HFM1: variants seen among roughly 807,000 people sequenced by gnomAD.
The protein encoded by HFM1 is helicase for meiosis 1.
Under a neutral mutation model 192.1 loss-of-function variants are expected in HFM1, and 169 were observed. The ratio of observed to expected loss-of-function variants is 0.88; its 90% CI spans 0.78 to 1.00. HFM1 has a LOEUF of 1.00. HFM1 is among the 50% of genes least tolerant of loss of function. The pLI, the probability that HFM1 is intolerant of heterozygous loss-of-function variation, is 0.00. For missense variants in HFM1, 1,661 were observed against 1,668.0 expected, an observed-to-expected ratio of 1.00 and a Z score of 0.07; for synonymous variants, 525 against 537.8, an observed-to-expected ratio of 0.98 and a Z score of 0.33.
chr1:91,347,168 G>A (rs1656244102), intron 19 of HFM1, among the ~76,000 whole-genome samples: 1 of 152,112 alleles, frequency 6.6e-6, no homozygotes, highest in South Asian at 2.1e-4. Context: ...AGACCAGGGT[G>A]ATGTTAGAAA....
intron 33 of HFM1, among the ~76,000 whole-genome samples, chr1:91,274,455 C>G (rs1322768772): frequency 4.6e-5 from 7 of 151,880 alleles, no homozygotes; most frequent in African/African-American, 1.7e-4. Context: ...TTTATATTCC[C>G]TATAAAGAGA....
At chr1:91,270,153 A>G (rs1393419842) in intron 34 of HFM1, among the ~76,000 whole-genome samples, 4 of 152,174 alleles carry the variant, frequency 2.6e-5, no homozygotes, top group Non-Finnish European at 5.9e-5. Context: ...TATTGCAGTA[A>G]ACAAGAGAGA....
chr1:91,382,364 A>G (rs1176256207), intron 6 of HFM1, among the ~76,000 whole-genome samples: 2 of 152,088 alleles, frequency 1.3e-5, no homozygotes, highest in Non-Finnish European at 2.9e-5. Context: ...AGTTGTTGAG[A>G]TCTAGCTTCC....
chr1:91,272,352 C>T (rs1214401212), intron 34 of HFM1, among the ~76,000 whole-genome samples: 1 of 151,812 alleles, frequency 6.6e-6, no homozygotes, highest in Non-Finnish European at 1.5e-5. Flanking sequence ...AACTTAACTA[C>T]TATACCATGC....
intron 30 of HFM1, among the ~76,000 whole-genome samples, chr1:91,300,561 C>A (rs1240876829): frequency 6.6e-6 from 1 of 152,164 alleles, no homozygotes; most frequent in East Asian, 1.9e-4. Context: ...CTAAATCTAG[C>A]AGCACATCAA....
At position 91,282,815 on chromosome 1, in the gene HFM1, TAA is replaced by T. The variant is rs1226362271; in HGVS notation, c.3392-5755_3392-5754del. 2.0e-5 allele frequency among the ~76,000 whole-genome samples: 3 copies of T among 152,320 alleles called. No homozygotes were observed. In the South Asian group the frequency reaches 6.2e-4, roughly 32 times the overall value. On this transcript the variant is annotated intron_variant, in intron 30 of 38. Transcript: ENST00000370425. ...CAAGTTGCTGTTTTAAAATGAAGAATAAAGAGTTGCCTTTGGGTCTTAAATAC... is the reference window on the plus strand; with the variant it reads ...CAAGTTGCTGTTTTAAAATGAAGAATAGAGTTGCCTTTGGGTCTTAAATAC...
At position 91,273,724 on chromosome 1, in the gene HFM1, A is replaced by G. The variant is rs372320648; in HGVS notation, c.3760T>C (p.Tyr1254His). Residue 1254 changes from tyrosine to histidine, a missense_variant, in exon 34 of 39, where the codon TAT (tyrosine) becomes CAT (histidine). Transcript: ENST00000370425. The stretch of plus-strand genomic sequence containing the variant: ...AATGGTAATTTACCTTTGTCTTGAT[A>G]TTCAGATGGTTCTTGTCTAACTTTT... ...YGKVRQEPSEYQDKEVLNVNF... is the reference protein window; with the variant it reads ...YGKVRQEPSEHQDKEVLNVNF... 1 of 1,558,338 alleles carries G rather than the reference A, an allele frequency of 6.4e-7. No individual in the cohort carries two copies. The highest frequency in any genetic ancestry group is 1.4e-5 in the African/African-American group (1 of 73,708).
At chr1:91,275,200 G>C (rs1666697694) in intron 32 of HFM1, among the ~76,000 whole-genome samples, 2 of 152,044 alleles carry the variant, frequency 1.3e-5, no homozygotes, top group African/African-American at 2.4e-5. Context: ...GGCCAGGCTG[G>C]TCTCGAACTC....
At chr1:91,328,368 C>G in intron 20 of HFM1, 1 of 1,563,560 alleles carries the variant, frequency 6.4e-7, no homozygotes, top group South Asian at 1.2e-5. Flanking sequence ...AGTCATCCCT[C>G]CTCTGTGTTG....
At chr1:91,289,689 G>C (rs377095016) in intron 30 of HFM1, among the ~76,000 whole-genome samples, 1 of 152,036 alleles carries the variant, frequency 6.6e-6, no homozygotes, top group Admixed American at 6.6e-5. Context: ...GCGAAACCCC[G>C]TCTCTACCAA....
At chr1:91,337,620 T>G (rs569868761) in intron 20 of HFM1, among the ~76,000 whole-genome samples, 2 of 152,126 alleles carry the variant, frequency 1.3e-5, no homozygotes, top group Non-Finnish European at 2.9e-5. Context: ...TGCATCCCCT[T>G]TTTTCCGGGA....
chr1:91,344,775 C>T (rs1655907563), intron 19 of HFM1, among the ~76,000 whole-genome samples: 4 of 120,588 alleles, frequency 3.3e-5, no homozygotes, highest in African/African-American at 6.5e-5. Context: ...GAGACTTGGT[C>T]TCACTCTGTT....
chr1:91,276,014 A>G (rs1375684884), intron 32 of HFM1, among the ~76,000 whole-genome samples: 1 of 152,152 alleles, frequency 6.6e-6, no homozygotes, highest in African/African-American at 2.4e-5. Flanking sequence ...CTTTACTTGT[A>G]ATCAAACTCT....
At chr1:91,264,554 T>C (rs1665548512) in intron 36 of HFM1, among the ~76,000 whole-genome samples, 1 of 149,794 alleles carries the variant, frequency 6.7e-6, no homozygotes, top group Non-Finnish European at 1.5e-5. Context: ...TTTGTATTTT[T>C]AGTAGAGACG....
intron 30 of HFM1, among the ~76,000 whole-genome samples, chr1:91,291,299 C>A (rs971095008): frequency 6.6e-6 from 1 of 151,754 alleles, no homozygotes; most frequent in Non-Finnish European, 1.5e-5. Context: ...ATTGATAGAC[C>A]GCTAGCAAGA....
intron 20 of HFM1, among the ~76,000 whole-genome samples, chr1:91,333,809 C>T (rs1326317128): frequency 1.3e-5 from 2 of 152,002 alleles, no homozygotes; most frequent in Non-Finnish European, 2.9e-5. Flanking sequence ...GCCTGTAATG[C>T]CACCAGGCAC....
chr1:91,367,129 C>A (rs1051791210), intron 13 of HFM1, among the ~76,000 whole-genome samples: 1 of 152,186 alleles, frequency 6.6e-6, no homozygotes, highest in Non-Finnish European at 1.5e-5. Context: ...CTGGGTGGAG[C>A]GCACCGCAGC....
chr1:91,394,935 G>C (rs999610894), intron 3 of HFM1, among the ~76,000 whole-genome samples: 1 of 151,808 alleles, frequency 6.6e-6, no homozygotes, highest in Non-Finnish European at 1.5e-5. Flanking sequence ...GAAGTTTAGG[G>C]GGAATTTGGA....
At chr1:91,362,108 G>C (rs1489313196) in intron 13 of HFM1, among the ~76,000 whole-genome samples, 1 of 152,000 alleles carries the variant, frequency 6.6e-6, no homozygotes, top group Non-Finnish European at 1.5e-5. Context: ...GCAAAAACTG[G>C]AATCATTCCC....
Sources: allele counts gnomAD v4.1 joint callset (sites outside exome capture counted in the v4.1 genomes callset), GRCh38; gene constraint gnomAD v4.1.1; transcripts MANE v1.5; gene names NCBI Gene and HGNC (gene_info 2026-07-23, HGNC 2026-07-21).